Variants in HYOU1 observed in about 807,000 individuals in gnomAD.
The protein encoded by HYOU1 is hypoxia up-regulated protein 1.
Under a neutral mutation model 120.5 loss-of-function variants are expected in HYOU1, and 40 were observed. The observed-to-expected ratio is 0.33, with a 90% CI of 0.26 to 0.43. HYOU1 has a LOEUF of 0.43. HYOU1 is among the 20% of genes least tolerant of loss of function. The pLI is 1.00. For synonymous variants in HYOU1, 501 were observed against 479.4 expected, an observed-to-expected ratio of 1.05 and a Z score of -0.59; for missense variants, 1,085 against 1,278.3, an observed-to-expected ratio of 0.85 and a Z score of 2.31.
rs1944082149 is a variant in HYOU1 at position 119,046,455 on chromosome 11, T to C, written c.2849A>G (p.Asp950Gly). Residue 950 changes from aspartate to glycine, a missense_variant, in exon 24 of 26, where the codon GAT (aspartate) becomes GGT (glycine). Physicochemically the swap from Asp to Gly is moderately conservative, Grantham distance 94. Coordinates refer to ENST00000617285, the MANE Select transcript of HYOU1 (RefSeq NM_006389.5). ...KVIPPAGQTE[D>G]AEPISEPEKV... Reference sequence around the variant, plus strand: ...CTCAGGTTCTGAAATGGGCTCTGCATCTTCAGTCTGGCCTAGAAGGAAACC... The same window carrying C: ...CTCAGGTTCTGAAATGGGCTCTGCACCTTCAGTCTGGCCTAGAAGGAAACC... 1.9e-6 allele frequency: 3 copies of C among 1,614,038 alleles called. No individual in the cohort carries two copies. Among genetic ancestry groups the C allele is most frequent in the Non-Finnish European group, 2.5e-6 (3 of 1,180,030 alleles).
chr11:119,044,842 C>T lies in HYOU1; in HGVS notation c.*751G>A. ...CTGGCACCCCATGCCAACCACTCTA[C>T]GTGGCTTTCCTCTTCGGAGAGGTGG... On this transcript the variant is annotated 3_prime_UTR_variant, in exon 26 of 26. Coordinates refer to ENST00000617285, the MANE Select transcript of HYOU1 (RefSeq NM_006389.5). 3.7e-6 allele frequency: 1 copy of T among 268,756 alleles called. No individual in the cohort carries two copies. The highest frequency in any genetic ancestry group is 7.8e-6 in the Non-Finnish European group (1 of 128,408). The allele number at this position is 268,756 out of a possible 1,614,324, so 16.6% of individuals were successfully genotyped here.
Position 119,054,547 on chromosome 11 carries a change from T to C in HYOU1, c.625A>G (p.Thr209Ala), listed in dbSNP as rs2133605725. ...VLQLINDNTA[T>A]ALSYGVFRRK... ...CGGAAGACACCATAGCTGAGGGCAG[T>C]GGCGGTGTTGTCATTGATGAGCTGC... The change falls in exon 7 of 26, where the codon ACT becomes GCT. Residue 209 changes from threonine (T) to alanine (A), a missense_variant. Physicochemically the swap from Thr to Ala is moderately conservative, Grantham distance 58. Around this residue, in one of 4 missense-constraint regions of HYOU1, gnomAD observed 515 missense variants for 677.8 expected, o/e 0.76. Coordinates refer to ENST00000617285, the MANE Select transcript of HYOU1 (RefSeq NM_006389.5). 1 of 1,614,034 alleles carries C rather than the reference T, an allele frequency of 6.2e-7. No homozygotes were observed.
intron 22 of HYOU1, among the ~76,000 whole-genome samples, 158 bp from the exon 23 acceptor site, chr11:119,046,960 G>A (rs1002919388): frequency 6.6e-6 from 1 of 152,120 alleles, no homozygotes; most frequent in Non-Finnish European, 1.5e-5. Flanking sequence ...TCCTCAGAAG[G>A]GTATTAAAGG....
intron 22 of HYOU1, chr11:119,047,125 A>ACTCACTG: frequency 4.2e-6 from 1 of 237,952 alleles, no homozygotes; most frequent in Non-Finnish European, 8.2e-6. Flanking sequence ...CGCGATCTCG[A>ACTCACTG]CTCACTGCAA....
chr11:119,045,448 CCCTTCT>C lies in HYOU1; in HGVS notation c.*139_*144del. The C allele has an allele frequency of 1.3e-6, 1 of 789,796 alleles. No homozygotes were observed. Among genetic ancestry groups the C allele is most frequent in the Non-Finnish European group, 2.2e-6 (1 of 444,982 alleles). The allele number at this position is 789,796 out of a possible 1,614,324, so 48.9% of individuals were successfully genotyped here. A position where few individuals can be genotyped will look rare whatever the true frequency, so the allele number is the denominator to read the frequency against. On this transcript the variant is annotated 3_prime_UTR_variant, in exon 26 of 26. Transcript: ENST00000617285. Reference sequence around the variant, plus strand: ...GAACCAGTGAGCTGTCCCTCCCTTCCCCTTCTCCACACCTCCAAATCACAGGGGTGA... The same window carrying C: ...GAACCAGTGAGCTGTCCCTCCCTTCCCCACACCTCCAAATCACAGGGGTGA...
rs1944616382 is a variant in HYOU1 at position 119,054,166 on chromosome 11, G to C, written c.749C>G (p.Thr250Ser). 6.2e-7 allele frequency: 1 copy of C among 1,614,070 alleles called. No homozygotes were observed. The highest frequency in any genetic ancestry group is 1.1e-5 in the South Asian group (1 of 91,090). ...CTIVTYQMVKTKEAGMQPQLQ... is the reference protein window; with the variant it reads ...CTIVTYQMVKSKEAGMQPQLQ... ...CTGTGGCTGCATCCCAGCTTCCTTAGTCTTCACCATCTGGTAGGTCACAAT... is the reference window on the plus strand; with the variant it reads ...CTGTGGCTGCATCCCAGCTTCCTTACTCTTCACCATCTGGTAGGTCACAAT... The change falls in exon 8 of 26, where the codon ACT (threonine) becomes AGT (serine). Residue 250 changes from threonine to serine, a missense_variant. This residue lies in a region of HYOU1 where 515 missense variants were observed against 677.8 expected (regional missense o/e 0.76). Transcript: ENST00000617285.
At chr11:119,053,270 G>A (rs1266182483) in intron 8 of HYOU1, 1 of 166,046 alleles carries the variant, frequency 6.0e-6, no homozygotes, top group Non-Finnish European at 1.3e-5. Flanking sequence ...AGTGATGCTT[G>A]AACTGAAACC....
At chr11:119,054,788 T>C in intron 6 of HYOU1, 113 bp from the exon 7 acceptor site, 2 of 1,203,842 alleles carry the variant, frequency 1.7e-6, no homozygotes, top group South Asian at 2.9e-5. Flanking sequence ...GGGGCTGTCC[T>C]GTGCACTGTA....
Position 119,051,410 on chromosome 11 carries a change from G to A in HYOU1, c.1526+28C>T, listed in dbSNP as rs2133584791. On this transcript the variant is annotated intron_variant, in intron 13 of 25. Coordinates refer to ENST00000617285, the MANE Select transcript of HYOU1 (RefSeq NM_006389.5). The surrounding 1 kb of genome is among the most constrained non-coding windows in gnomAD (Gnocchi z 4.2). ...GCAGCCACGCCTCCCCCTCCCTGGA[G>A]CTCCCATCCTACACCCCTGCCCCTC... 148 of 1,609,150 alleles carry A rather than the reference G, an allele frequency of 9.2e-5. No homozygotes were observed. The highest frequency in any genetic ancestry group is 1.2e-4 in the Non-Finnish European group (139 of 1,176,498).
intron 25 of HYOU1, 21 bp from the exon 26 acceptor site, chr11:119,045,675 C>G: frequency 1.2e-6 from 2 of 1,614,094 alleles, no homozygotes; most frequent in Non-Finnish European, 1.7e-6. Flanking sequence ...TTTGGGGGAG[C>G]AAAGGAATCA....
Position 119,045,481 on chromosome 11 carries a change from AAAGGAACTCCAGCCGAGGGCAGGACC to A in HYOU1, c.*86_*111del. The A allele has an allele frequency of 8.6e-6, 8 of 930,586 alleles. No individual in the cohort carries two copies. The highest frequency in any genetic ancestry group is 1.4e-5 in the Non-Finnish European group (8 of 563,130). 57.6% of individuals were successfully genotyped at this position (930,586 alleles called of 1,614,324 possible). ...CACACCTCCAAATCACAGGGGTGAG[AAAGGAACTCCAGCCGAGGGCAGGACC>A]AACCCCTCCCCCAACCCTCGATGTT... On this transcript the variant is annotated 3_prime_UTR_variant, in exon 26 of 26. Coordinates refer to ENST00000617285, the MANE Select transcript of HYOU1 (RefSeq NM_006389.5).
rs145661123 is a variant in HYOU1, at chr11:119,055,316, C to A, written c.288G>T (p.Thr96=). The A allele has an allele frequency of 1.7e-5, 28 of 1,613,562 alleles. No homozygotes were observed. Among genetic ancestry groups the A allele is most frequent in the Non-Finnish European group, 2.4e-5 (28 of 1,179,764 alleles). Residue 96 remains threonine (T), a synonymous_variant, in exon 5 of 26, where the codon ACG becomes ACT. Coordinates refer to ENST00000617285, the MANE Select transcript of HYOU1 (RefSeq NM_006389.5). This position sits in a 1 kb window ranked among gnomAD's most constrained non-coding sequence, Gnocchi z 4.0. ...ASMAIKNPKA[T]LRYFQHLLGK... ...CCAGGAGGTGCTGGAAGTAACGTAG[C>A]GTAGCCTTTGGATTCTTAATCGCCT... is the stretch of plus-strand genomic sequence containing the variant.
chr11:119,052,712 A>C lies in HYOU1; in HGVS notation c.912T>G (p.Arg304=), dbSNP rs1944517304. The C allele has an allele frequency of 1.2e-6, 2 of 1,614,228 alleles. No homozygotes were observed. Among genetic ancestry groups the C allele is most frequent in the Admixed American group, 3.3e-5 (2 of 60,014 alleles). ...QRAKDVRENP[R]AMAKLLREAN... The stretch of plus-strand genomic sequence containing the variant: ...CCTCACGCAGCAGCTTGGCCATGGC[A>C]CGCGGGTTCTCCCGCACATCCTTTG... The change falls in exon 9 of 26, where the codon CGT becomes CGG. Residue 304 remains arginine (R), a synonymous_variant. Coordinates refer to ENST00000617285, the MANE Select transcript of HYOU1 (RefSeq NM_006389.5). The surrounding 1 kb of genome is among the most constrained non-coding windows in gnomAD (Gnocchi z 5.0).
At chr11:119,056,255 G>C (rs782790889) in intron 1 of HYOU1, 88 bp from the exon 2 acceptor site, 14 of 907,886 alleles carry the variant, frequency 1.5e-5, no homozygotes, top group Middle Eastern at 2.1e-4. Flanking sequence ...GAGGCTGTAA[G>C]ATTCATATCT....
At chr11:119,047,537 C>T in intron 22 of HYOU1, 197 bp downstream of exon 22, 1 of 566,128 alleles carries the variant, frequency 1.8e-6, no homozygotes, top group South Asian at 2.0e-5. Flanking sequence ...CTTTTTTGCT[C>T]CTCCAGGCTG....
At position 119,051,018 on chromosome 11, in the gene HYOU1, T is replaced by C; in HGVS notation, c.1665+17A>G. ...CTGAGCCCCTGCTCTGCACACAGGGTATCCTTTAGCTCTCACCCTGTCTAG... is the reference window on the plus strand; with the variant it reads ...CTGAGCCCCTGCTCTGCACACAGGGCATCCTTTAGCTCTCACCCTGTCTAG... On this transcript the variant is annotated intron_variant, in intron 14 of 25. Transcript: ENST00000617285. The surrounding 1 kb of genome is among the most constrained non-coding windows in gnomAD (Gnocchi z 4.2). 1 of 1,613,954 alleles carries C rather than the reference T, an allele frequency of 6.2e-7. No homozygotes were observed. The highest frequency in any genetic ancestry group is 8.5e-7 in the Non-Finnish European group (1 of 1,179,920).
In HYOU1 at chr11:119,044,792, A is replaced by G; in HGVS notation, c.*801T>C. 1 of 210,248 alleles carries G rather than the reference A, an allele frequency of 4.8e-6. No homozygotes were observed. Among genetic ancestry groups the G allele is most frequent in the Non-Finnish European group, 1.0e-5 (1 of 98,894 alleles). The allele number at this position is 210,248 out of a possible 1,614,324, so 13.0% of individuals were successfully genotyped here. ...GGGTACCAGGCTGCTGGGAAGATGC[A>G]GATTATGACAGAGCTTGCACGATGC... On this transcript the variant is annotated 3_prime_UTR_variant, in exon 26 of 26. Transcript: ENST00000617285.
chr11:119,048,404 C>T lies in HYOU1; in HGVS notation c.2254-34G>A, dbSNP rs1315864721. ...GGGGACATGTAAACACATGCACCCA[C>T]AAGCCCAGAGGCAAGGCCCACAGAG... On this transcript the variant is annotated intron_variant, in intron 19 of 25. Transcript: ENST00000617285. This position sits in a 1 kb window ranked among gnomAD's most constrained non-coding sequence, Gnocchi z 4.7. 6.2e-7 allele frequency: 1 copy of T among 1,610,876 alleles called. No individual in the cohort carries two copies. The highest frequency in any genetic ancestry group is 8.5e-7 in the Non-Finnish European group (1 of 1,179,536).
In HYOU1 at chr11:119,046,725, A is replaced by G; in HGVS notation, c.2673T>C (p.Ile891=). 6.2e-7 allele frequency: 1 copy of G among 1,610,932 alleles called. No homozygotes were observed. The highest frequency in any genetic ancestry group is 8.5e-7 in the Non-Finnish European group (1 of 1,179,974). The stretch of plus-strand genomic sequence containing the variant: ...GGTCCAGGGCCATCATCTTAGCTTC[A>G]ATGTCTTTTGAGAGCAACACAGGCT... The part of the protein sequence containing the change: ...TEKPVLLSKD[I]EAKMMALDRE... The change falls in exon 23 of 26, where the codon ATT becomes ATC. Residue 891 remains isoleucine, a synonymous_variant. Coordinates refer to ENST00000617285, the MANE Select transcript of HYOU1 (RefSeq NM_006389.5).
Sources: allele counts gnomAD v4.1 joint callset (sites outside exome capture counted in the v4.1 genomes callset), GRCh38; gene constraint gnomAD v4.1.1; regional missense constraint gnomAD v4.1.1; non-coding constraint Gnocchi (gnomAD v3.1); transcripts MANE v1.5; gene names NCBI Gene and HGNC (gene_info 2026-07-23, HGNC 2026-07-21).